The following PGR variants were observed in gnomAD, a reference collection of about 807,000 sequenced individuals.
PGR encodes progesterone receptor.
Under a neutral mutation model 76.1 loss-of-function variants are expected in PGR, and 25 were observed. The observed-to-expected ratio is 0.33, with a 90% confidence interval of 0.24 to 0.46. The LOEUF is 0.46. PGR is among the 20% of genes least tolerant of loss of function. The probability of loss-of-function intolerance (pLI) is 1.00; values close to 1 mark genes in which losing one functional copy is unlikely to be tolerated. For missense variants in PGR, 1,172 were observed against 1,225.3 expected (o/e 0.96, Z 0.65); for synonymous variants, 579 against 535.0 (o/e 1.08, Z -1.14).
At chr11:101,055,271 G>C (rs1251775028) in intron 4 of PGR, among the ~76,000 whole-genome samples, 2 of 151,952 alleles carry the variant, frequency 1.3e-5, no homozygotes, top group African/African-American at 4.8e-5. Context: ...AAATTAGCTA[G>C]GTGTGGTGGT....
intron 3 of PGR, among the ~76,000 whole-genome samples, chr11:101,074,768 G>A (rs1244956865): frequency 3.3e-5 from 5 of 152,016 alleles, no homozygotes; most frequent in Admixed American, 1.3e-4. Context: ...TACAAGTCAC[G>A]AGAAATGTGA....
At chr11:101,043,378 G>T (rs533349864) in intron 6 of PGR, among the ~76,000 whole-genome samples, 1 of 152,178 alleles carries the variant, frequency 6.6e-6, no homozygotes, top group East Asian at 1.9e-4. Flanking sequence ...TCTAATTTTA[G>T]TTCTCTTGCT....
chr11:101,069,126 A>G (rs1390084283), intron 3 of PGR, among the ~76,000 whole-genome samples: 1 of 152,184 alleles, frequency 6.6e-6, no homozygotes, highest in Non-Finnish European at 1.5e-5. Flanking sequence ...CCATCTGACA[A>G]AGGGCTAATA....
At chr11:101,078,777 T>C (rs1861210563) in intron 3 of PGR, among the ~76,000 whole-genome samples, 2 of 152,196 alleles carry the variant, frequency 1.3e-5, no homozygotes, top group African/African-American at 2.4e-5. Context: ...TGTCAAAACA[T>C]ATTTATTACC....
intron 4 of PGR, among the ~76,000 whole-genome samples, chr11:101,061,572 T>C (rs1286741932): frequency 2.6e-5 from 4 of 152,196 alleles, no homozygotes; most frequent in Non-Finnish European, 4.4e-5. Flanking sequence ...AAGGACATAA[T>C]ATGTTTAATT....
rs1017716569 is a variant in PGR, at chr11:101,129,618, G to T, written c.-548C>A. On this transcript the variant is annotated 5_prime_UTR_variant, in exon 1 of 8. Coordinates refer to ENST00000325455, the MANE Select transcript of PGR (RefSeq NM_000926.4). ...TCTCGGTACAGCCCATTCCCAGGAA[G>T]GGTCGGACTTCTGCTGGCTCCGTAC... 6 of 182,918 alleles carry T rather than the reference G, an allele frequency of 3.3e-5. No individual in the cohort carries two copies. Among genetic ancestry groups the T allele is most frequent in the Admixed American group, 1.9e-4 (3 of 15,958 alleles). 11.3% of individuals were successfully genotyped at this position (182,918 alleles called of 1,614,324 possible).
At chr11:101,091,935 A>G in intron 2 of PGR, 59 bp from the exon 3 acceptor site, 1 of 872,852 alleles carries the variant, frequency 1.1e-6, no homozygotes, top group South Asian at 1.4e-5. Flanking sequence ...TGGAAATTCT[A>G]TGCAGTGACA....
chr11:101,061,482 T>C lies in PGR; in HGVS notation c.2212+965A>G, dbSNP rs940702192. On this transcript the variant is annotated intron_variant, in intron 4 of 7. Transcript: ENST00000325455. The stretch of plus-strand genomic sequence containing the variant: ...TGTATTTCAAACCTTTTAGGTAGAA[T>C]AATAACTGAGAATTATATTAAGGAG... Among the ~76,000 whole-genome samples, 6 of 152,170 alleles carry C rather than the reference T, an allele frequency of 3.9e-5. No homozygotes were observed. The East Asian group carries it at 1.2e-3, about 29-fold the overall frequency.
At chr11:101,089,372 A>AT (rs1470517883) in intron 3 of PGR, among the ~76,000 whole-genome samples, 1 of 152,192 alleles carries the variant, frequency 6.6e-6, no homozygotes, top group Non-Finnish European at 1.5e-5. Flanking sequence ...CAAATCCATT[A>AT]TTTCAGAGAT....
At chr11:101,120,815 TTGAG>T (rs1469696809) in intron 2 of PGR, among the ~76,000 whole-genome samples, 1 of 152,206 alleles carries the variant, frequency 6.6e-6, no homozygotes, top group East Asian at 1.9e-4. Flanking sequence ...TTTGTGTTAC[TTGAG>T]TAATTAAAGT....
At chr11:101,116,739 C>CAAAA (rs11300466) in intron 2 of PGR, among the ~76,000 whole-genome samples, 6 of 68,964 alleles carry the variant, frequency 8.7e-5, no homozygotes, top group Admixed American at 1.8e-4. Context: ...GATTCCACCT[C>CAAAA]AAAAAAAAAA....
intron 3 of PGR, among the ~76,000 whole-genome samples, chr11:101,082,472 C>T (rs1039422275): frequency 1.3e-5 from 2 of 152,090 alleles, no homozygotes; most frequent in African/African-American, 2.4e-5. Context: ...TTTGGAACTT[C>T]CTGGAGACTT....
At chr11:101,053,609 T>TTTCTTCCCTCCCCTTCTC in intron 4 of PGR, among the ~76,000 whole-genome samples, 1 of 77,930 alleles carries the variant, frequency 1.3e-5, no homozygotes, top group Non-Finnish European at 2.6e-5. Flanking sequence ...CCCTTCTCCC[T>TTTCTTCCCTCCCCTTCTC]CCTTTCTTCC....
chr11:101,059,233 C>T (rs1373293862), intron 4 of PGR, among the ~76,000 whole-genome samples: 1 of 151,828 alleles, frequency 6.6e-6, no homozygotes, highest in Non-Finnish European at 1.5e-5. Flanking sequence ...TTCTTTAGTC[C>T]TTGAAGCCAA....
Position 101,128,162 on chromosome 11 carries a change from G to T in PGR, c.909C>A (p.Phe303Leu). 1 of 1,598,370 alleles carries T rather than the reference G, an allele frequency of 6.3e-7. No homozygotes were observed. The highest frequency in any genetic ancestry group is 8.5e-7 in the Non-Finnish European group (1 of 1,179,728). ...RSPLATTVMDFIHVPILPLNH... is the reference protein window; with the variant it reads ...RSPLATTVMDLIHVPILPLNH... ...TGAGAGGCAGGATAGGCACGTGGAT[G>T]AAATCCATCACCGTGGTGGCCAGCG... The change falls in exon 1 of 8, where the codon TTC (phenylalanine) becomes TTA (leucine). Residue 303 changes from phenylalanine to leucine, a missense_variant. Physicochemically the swap from Phe to Leu is conservative, Grantham distance 22 (BLOSUM62 0). This residue lies in a region of PGR where 893 missense variants were observed against 785.9 expected (regional missense o/e 1.14). Coordinates refer to ENST00000325455, the MANE Select transcript of PGR (RefSeq NM_000926.4).
intron 2 of PGR, among the ~76,000 whole-genome samples, chr11:101,123,735 C>G (rs1216742061): frequency 2.0e-5 from 3 of 152,188 alleles, no homozygotes; most frequent in African/African-American, 7.2e-5. Flanking sequence ...CAACCCATAA[C>G]CACCTCGCTC....
At chr11:101,084,656 T>TTA (rs1861431200) in intron 3 of PGR, among the ~76,000 whole-genome samples, 2 of 139,406 alleles carry the variant, frequency 1.4e-5, no homozygotes, top group Non-Finnish European at 3.1e-5. Context: ...AGACTCCATC[T>TTA]AAAAAAAAAA....
chr11:101,091,268 C>G (rs1470705976), intron 3 of PGR, among the ~76,000 whole-genome samples: 2 of 152,182 alleles, frequency 1.3e-5, no homozygotes, highest in Non-Finnish European at 2.9e-5. Context: ...AACTCTTCAT[C>G]AAATGGATTC....
intron 3 of PGR, among the ~76,000 whole-genome samples, 154 bp downstream of exon 3, chr11:101,091,606 G>GC (rs1861675475): frequency 6.6e-6 from 1 of 152,186 alleles, no homozygotes; most frequent in Non-Finnish European, 1.5e-5. Context: ...GGTATTGGTT[G>GC]CTTCATTCAG....
Sources: gnomAD v4.1 joint callset for allele counts (sites outside exome capture counted in the v4.1 genomes callset) on GRCh38, gnomAD v4.1.1 for gene constraint, gnomAD v4.1.1 regional missense constraint, MANE v1.5 for transcripts, NCBI Gene and HGNC (gene_info 2026-07-23, HGNC 2026-07-21) for gene names.